DSCAM: variants seen among roughly 807,000 people sequenced by gnomAD.
The protein encoded by DSCAM is DS cell adhesion molecule, also known as cell adhesion molecule DSCAM.
Under a neutral mutation model 217.7 loss-of-function variants are expected in DSCAM, and 47 were observed. The ratio of observed to expected loss-of-function variants is 0.22; its 90% CI spans 0.17 to 0.28. The LOEUF (loss-of-function observed/expected upper bound fraction) is 0.28, where lower values mean the gene tolerates loss of function less well. Ranked by LOEUF, DSCAM falls within the 10% of genes least tolerant of loss-of-function variation. The pLI is 1.00. For missense variants in DSCAM, 2,080 were observed against 2,618.3 expected, an observed-to-expected ratio of 0.79 and a Z score of 4.49; for synonymous variants, 1,056 against 1,015.3, an observed-to-expected ratio of 1.04 and a Z score of -0.76.
chr21:40,325,605 TAGC>T (rs1197289778), intron 8 of DSCAM, among the ~76,000 whole-genome samples: 2 of 152,168 alleles, frequency 1.3e-5, no homozygotes, highest in African/African-American at 4.8e-5. Context: ...CAGGAAGAAG[TAGC>T]AGGAGTGATA....
intron 8 of DSCAM, among the ~76,000 whole-genome samples, chr21:40,324,616 G>A (rs1569064146): frequency 6.6e-6 from 1 of 152,094 alleles, no homozygotes; most frequent in African/African-American, 2.4e-5. Context: ...AGATTAAAAC[G>A]ACCAAGAACT....
chr21:40,773,699 T>C (rs9984187), intron 1 of DSCAM, among the ~76,000 whole-genome samples: 49,105 of 152,094 alleles, frequency 0.32, 8,415 homozygotes, highest in African/African-American at 0.42. Flanking sequence ...TTCCCTCTGA[T>C]GCCATAGAAA....
chr21:40,583,221 G>A (rs990975239), intron 3 of DSCAM, among the ~76,000 whole-genome samples: 1 of 152,154 alleles, frequency 6.6e-6, no homozygotes, highest in Non-Finnish European at 1.5e-5. Flanking sequence ...GCAACGCAAA[G>A]GTTACCAGGG....
At chr21:40,512,402 T>A (rs1053625954) in intron 3 of DSCAM, among the ~76,000 whole-genome samples, 5 of 152,114 alleles carry the variant, frequency 3.3e-5, no homozygotes, top group African/African-American at 1.2e-4. Context: ...CTTCACGTCA[T>A]TGGAAATTAT....
chr21:40,780,411 GTGTGTGTGTGTGTA>G (rs144471664), intron 1 of DSCAM, among the ~76,000 whole-genome samples: 35,945 of 88,622 alleles, frequency 0.41, 6,647 homozygotes, highest in African/African-American at 0.56. Flanking sequence ...GTGTGTGTGT[GTGTGTGTGTGTGTA>G]TATATATATA....
At chr21:40,473,485 T>C (rs2075906728) in intron 3 of DSCAM, among the ~76,000 whole-genome samples, 1 of 152,180 alleles carries the variant, frequency 6.6e-6, no homozygotes. Flanking sequence ...ACCCCTTAGA[T>C]AATAGCCTGG....
intron 15 of DSCAM, among the ~76,000 whole-genome samples, chr21:40,172,586 C>T (rs555068402): frequency 2.3e-4 from 35 of 152,318 alleles, no homozygotes; most frequent in African/African-American, 8.2e-4. Flanking sequence ...AGCTGAGACT[C>T]AAGCCTCGGT....
intron 3 of DSCAM, among the ~76,000 whole-genome samples, chr21:40,589,923 C>T (rs927926429): frequency 2.6e-5 from 4 of 152,176 alleles, no homozygotes; most frequent in Non-Finnish European, 1.5e-5. Context: ...TTTAATCTGT[C>T]ACTCCAAGTT....
intron 3 of DSCAM, among the ~76,000 whole-genome samples, chr21:40,525,537 T>A (rs1269639573): frequency 6.6e-6 from 1 of 152,228 alleles, no homozygotes; most frequent in African/African-American, 2.4e-5. Flanking sequence ...ACATTGCTGA[T>A]AAACACTTCC....
chr21:40,603,608 T>C (rs2077078745), intron 3 of DSCAM, among the ~76,000 whole-genome samples: 2 of 152,234 alleles, frequency 1.3e-5, no homozygotes, highest in Non-Finnish European at 2.9e-5. Context: ...GGTTTACTGG[T>C]AACAAATTCC....
At chr21:40,659,386 TATCTATC>T (rs796350320) in intron 3 of DSCAM, among the ~76,000 whole-genome samples, 4,091 of 139,394 alleles carry the variant, frequency 0.029, 142 homozygotes, top group African/African-American at 0.083. Context: ...TCTATCTATC[TATCTATC>T]ATCTCTCTCA....
rs140430955 is a variant in DSCAM at position 40,081,232 on chromosome 21, G to T, written c.4232-892C>A. Reference sequence around the variant, plus strand: ...GCAGCCATGTTCCTTCTCCACCCTGGCTAGCTGGCCTGGAACATGGTGTGT... The same window carrying T: ...GCAGCCATGTTCCTTCTCCACCCTGTCTAGCTGGCCTGGAACATGGTGTGT... On this transcript the variant is annotated intron_variant, in intron 24 of 32. Transcript: ENST00000400454. Among the ~76,000 whole-genome samples, 118 of 152,226 alleles carry T rather than the reference G, an allele frequency of 7.8e-4. 1 individual carries two copies. The highest frequency in any genetic ancestry group is 2.7e-3 in the African/African-American group (111 of 41,534).
At chr21:40,425,923 T>C (rs1433540033) in intron 3 of DSCAM, among the ~76,000 whole-genome samples, 2 of 152,214 alleles carry the variant, frequency 1.3e-5, no homozygotes, top group East Asian at 1.9e-4. Flanking sequence ...GATATCTATC[T>C]ATATATAATA....
chr21:40,577,907 T>A (rs574786234), intron 3 of DSCAM, among the ~76,000 whole-genome samples: 1 of 152,250 alleles, frequency 6.6e-6, no homozygotes, highest in South Asian at 2.1e-4. Context: ...GTTAATTGCA[T>A]TCTTGGATGT....
At chr21:40,802,884 C>T (rs1241776783) in intron 1 of DSCAM, among the ~76,000 whole-genome samples, 2 of 152,158 alleles carry the variant, frequency 1.3e-5, no homozygotes, top group African/African-American at 4.8e-5. Flanking sequence ...TTACAAGCAA[C>T]AGAAAGCAGA....
chr21:40,682,898 T>A (rs2090430478), intron 3 of DSCAM, among the ~76,000 whole-genome samples: 1 of 151,674 alleles, frequency 6.6e-6, no homozygotes, highest in Admixed American at 6.6e-5. Flanking sequence ...AGAAATACAG[T>A]AATTACTAAG....
At chr21:40,369,067 A>C in intron 4 of DSCAM, 32 bp downstream of exon 4, 1 of 1,574,904 alleles carries the variant, frequency 6.3e-7, no homozygotes, top group South Asian at 1.2e-5. Context: ...GAAATAGCAG[A>C]CATAGCAGAC....
In DSCAM at chr21:40,353,738, C is replaced by T. The variant is rs2074660627; in HGVS notation, c.661G>A (p.Ala221Thr). ...TCCAGTATGGATGGGGCTGAGTTCG[C>T]TGGGTCTGTAGAAGAAATAAAAACT... is the stretch of plus-strand genomic sequence containing the variant. ...NSARLFVSDP[A>T]NSAPSILDGF... Residue 221 changes from alanine (A) to threonine (T), a missense_variant, in exon 5 of 33, where the codon GCG (alanine) becomes ACG (threonine). Transcript: ENST00000400454. 1 of 1,545,054 alleles carries T rather than the reference C, an allele frequency of 6.5e-7. No homozygotes were observed. Among genetic ancestry groups the T allele is most frequent in the South Asian group, 1.2e-5 (1 of 80,392 alleles).
intron 1 of DSCAM, among the ~76,000 whole-genome samples, chr21:40,830,344 G>A (rs2091878): frequency 0.73 from 110,494 of 151,530 alleles, 40,452 homozygotes; most frequent in African/African-American, 0.78. Flanking sequence ...GAAGCACAGC[G>A]CCACGCCATG....
Sources: gnomAD v4.1 joint callset for allele counts (sites outside exome capture counted in the v4.1 genomes callset) on GRCh38, gnomAD v4.1.1 for gene constraint, MANE v1.5 for transcripts, NCBI Gene and HGNC (gene_info 2026-07-23, HGNC 2026-07-21) for gene names.